The following PDE8B variants were observed in gnomAD, a reference collection of about 807,000 sequenced individuals.
The protein encoded by PDE8B is phosphodiesterase 8B.
A neutral mutation model predicts 101.3 loss-of-function variants in PDE8B; 26 were observed. The ratio of observed to expected loss-of-function variants is 0.26; its 90% CI spans 0.19 to 0.36. PDE8B has a LOEUF of 0.36. PDE8B is among the 10% of genes least tolerant of loss of function. The probability of loss-of-function intolerance (pLI) is 1.00; values close to 1 mark genes in which losing one functional copy is unlikely to be tolerated. For synonymous variants in PDE8B, 424 were observed against 429.3 expected (o/e 0.99, Z 0.15); for missense variants, 810 against 1,163.1 (o/e 0.70, Z 4.42).
intron 1 of PDE8B, among the ~76,000 whole-genome samples, chr5:77,297,339 C>T (rs1243007924): frequency 6.6e-6 from 1 of 152,202 alleles, no homozygotes; most frequent in East Asian, 1.9e-4. Flanking sequence ...CACCACTACT[C>T]CTAGTGTAGA....
At chr5:77,314,740 G>T in intron 2 of PDE8B, among the ~76,000 whole-genome samples, 2 of 152,062 alleles carry the variant, frequency 1.3e-5, no homozygotes, top group South Asian at 2.1e-4. Context: ...CAGAACAATG[G>T]TGTGTTTAGC....
chr5:77,121,626 G>T, the PDE8B span, among the ~76,000 whole-genome samples: 1 of 151,806 alleles, frequency 6.6e-6, no homozygotes, highest in East Asian at 1.9e-4. Context: ...TTCTGCCTCA[G>T]CCTCCCGAGT....
chr5:77,379,591 T>C (rs1414471110), intron 10 of PDE8B, among the ~76,000 whole-genome samples: 2 of 152,106 alleles, frequency 1.3e-5, no homozygotes, highest in Admixed American at 6.6e-5. Context: ...TGAAAACAAA[T>C]GGCAACAGCT....
the PDE8B span, chr5:77,100,363 G>A: frequency 6.6e-6 from 1 of 152,234 alleles, no homozygotes; most frequent in Admixed American, 6.5e-5. Flanking sequence ...TCTGCTGTGA[G>A]ACACAATGAG....
At chr5:77,130,123 A>G in the PDE8B span, among the ~76,000 whole-genome samples, 142 of 152,246 alleles carry the variant, frequency 9.3e-4, no homozygotes, top group African/African-American at 3.2e-3. Context: ...TTGAAAGGAT[A>G]TAATGGCAAA....
intron 1 of PDE8B, among the ~76,000 whole-genome samples, chr5:77,250,757 A>G (rs1393301380): frequency 6.6e-6 from 1 of 152,186 alleles, no homozygotes; most frequent in East Asian, 1.9e-4. Context: ...TGGTGGCCTC[A>G]GGATTCACTG....
At chr5:77,381,544 TGTTA>T (rs1405120280) in intron 10 of PDE8B, among the ~76,000 whole-genome samples, 4 of 152,206 alleles carry the variant, frequency 2.6e-5, no homozygotes, top group Middle Eastern at 3.2e-3. Flanking sequence ...CTTACTTGTT[TGTTA>T]TTGTACTGAT....
At chr5:77,097,155 AGGAG>A in the PDE8B span, among the ~76,000 whole-genome samples, 9 of 152,280 alleles carry the variant, frequency 5.9e-5, no homozygotes, top group South Asian at 1.9e-3. Flanking sequence ...GAAGAAGAGA[AGGAG>A]GGAGGAAAAG....
chr5:77,125,655 T>C, the PDE8B span, among the ~76,000 whole-genome samples: 1 of 152,308 alleles, frequency 6.6e-6, no homozygotes, highest in Admixed American at 6.5e-5. Flanking sequence ...TCCTACATCA[T>C]CCTTTCAAGG....
At chr5:77,230,142 G>A (rs137936143) in intron 1 of PDE8B, among the ~76,000 whole-genome samples, 1 of 152,288 alleles carries the variant, frequency 6.6e-6, no homozygotes, top group African/African-American at 2.4e-5. Flanking sequence ...TGGTTGTGAA[G>A]TGGTATCTCA....
At chr5:77,218,439 G>A (rs772619294) in intron 1 of PDE8B, among the ~76,000 whole-genome samples, 27 of 152,340 alleles carry the variant, frequency 1.8e-4, no homozygotes, top group Non-Finnish European at 3.1e-4. Context: ...AAGAGGGTCC[G>A]AATGGTCTCT....
the PDE8B span, among the ~76,000 whole-genome samples, chr5:77,189,310 G>C: frequency 5.9e-5 from 9 of 152,110 alleles, no homozygotes; most frequent in African/African-American, 2.2e-4. Flanking sequence ...TTCAAGTGTT[G>C]GGATAAAGTC....
At chr5:77,262,571 A>G (rs1281234778) in intron 1 of PDE8B, among the ~76,000 whole-genome samples, 1 of 152,232 alleles carries the variant, frequency 6.6e-6, no homozygotes, top group East Asian at 1.9e-4. Context: ...TCAGGTGCAT[A>G]TATTGCATGT....
chr5:77,127,575 T>A, the PDE8B span, among the ~76,000 whole-genome samples: 1 of 152,124 alleles, frequency 6.6e-6, no homozygotes, highest in Non-Finnish European at 1.5e-5. Flanking sequence ...AGTAAACTAT[T>A]TCCTACTGCA....
At position 77,408,992 on chromosome 5, in the gene PDE8B, T is replaced by G; in HGVS notation, c.1465T>G (p.Ser489Ala). 1 of 1,613,240 alleles carries G rather than the reference T, an allele frequency of 6.2e-7. No homozygotes were observed. The highest frequency in any genetic ancestry group is 2.2e-5 in the East Asian group (1 of 44,876). The change falls in exon 14 of 22, where the codon TCC becomes GCC. Residue 489 changes from serine to alanine, a missense_variant. Ser to Ala is a moderately conservative substitution (Grantham distance 99, BLOSUM62 1). Around this residue, in one of 4 missense-constraint regions of PDE8B, gnomAD observed 325 missense variants for 560.9 expected, o/e 0.58. Transcript: ENST00000264917. ...LEILRTTELYSPQLGTKDEDP... is the reference protein window; with the variant it reads ...LEILRTTELYAPQLGTKDEDP... ...GATTTTACGGACCACAGAACTGTACTCCCCTCAGCTGGGTACCAAAGATGA... is the reference window on the plus strand; with the variant it reads ...GATTTTACGGACCACAGAACTGTACGCCCCTCAGCTGGGTACCAAAGATGA...
At chr5:77,130,432 C>T in the PDE8B span, among the ~76,000 whole-genome samples, 13 of 151,920 alleles carry the variant, frequency 8.6e-5, no homozygotes, top group Admixed American at 7.2e-4. Flanking sequence ...TACTTCGGGG[C>T]GGGGAGGGGA....
the PDE8B span, among the ~76,000 whole-genome samples, chr5:77,096,636 C>T: frequency 1.3e-5 from 2 of 152,170 alleles, no homozygotes; most frequent in African/African-American, 2.4e-5. Flanking sequence ...CTGGGCTCTT[C>T]CTCTCAGCAC....
At chr5:77,324,598 G>T (rs1775710914) in intron 2 of PDE8B, among the ~76,000 whole-genome samples, 1 of 152,188 alleles carries the variant, frequency 6.6e-6, no homozygotes, top group South Asian at 2.1e-4. Flanking sequence ...TTCATCAATA[G>T]AAGCACTTTT....
intron 1 of PDE8B, among the ~76,000 whole-genome samples, chr5:77,268,044 A>G (rs1762089825): frequency 6.6e-6 from 1 of 152,176 alleles, no homozygotes; most frequent in African/African-American, 2.4e-5. Flanking sequence ...GGTTAAAAAA[A>G]AAAAAGAAAA....
Sources: allele counts gnomAD v4.1 joint callset (sites outside exome capture counted in the v4.1 genomes callset), GRCh38; gene constraint gnomAD v4.1.1; regional missense constraint gnomAD v4.1.1; transcripts MANE v1.5; gene names NCBI Gene and HGNC (gene_info 2026-07-23, HGNC 2026-07-21).